Variants in CENPP observed in about 807,000 individuals in gnomAD.
CENPP encodes centromere protein P.
A neutral mutation model predicts 35.6 loss-of-function variants in CENPP; 24 were observed. The ratio of observed to expected loss-of-function variants is 0.67; its 90% CI spans 0.49 to 0.95. The LOEUF is 0.95. Ranked by LOEUF, CENPP falls within the 40% of genes least tolerant of loss-of-function variation. The pLI is 0.00. For synonymous variants in CENPP, 120 were observed against 125.5 expected (o/e 0.96, Z 0.29); for missense variants, 332 against 345.3 (o/e 0.96, Z 0.31).
intron 5 of CENPP, among the ~76,000 whole-genome samples, chr9:92,567,079 A>C (rs1299576461): frequency 1.3e-5 from 2 of 152,180 alleles, no homozygotes; most frequent in Non-Finnish European, 2.9e-5. Context: ...GGGAGAAATT[A>C]AGACATTCTC....
chr9:92,578,325 T>C (rs530513060), intron 5 of CENPP, among the ~76,000 whole-genome samples: 2 of 152,314 alleles, frequency 1.3e-5, no homozygotes, highest in East Asian at 1.9e-4. Context: ...AGTAATGCGA[T>C]GGCTGGGTCT....
chr9:92,504,809 G>C (rs1049963479), intron 5 of CENPP, among the ~76,000 whole-genome samples: 2 of 152,192 alleles, frequency 1.3e-5, no homozygotes, highest in African/African-American at 2.4e-5. Flanking sequence ...AGAGTGCTGG[G>C]ATTACTGGCG....
chr9:92,472,749 T>C (rs964807367), intron 5 of CENPP, among the ~76,000 whole-genome samples: 23 of 152,288 alleles, frequency 1.5e-4, no homozygotes, highest in African/African-American at 5.3e-4. Flanking sequence ...CTTGATGAAT[T>C]AGCAAGGTAG....
chr9:92,408,796 G>A (rs1447109714), intron 5 of CENPP, among the ~76,000 whole-genome samples: 1 of 152,238 alleles, frequency 6.6e-6, no homozygotes, highest in East Asian at 1.9e-4. Flanking sequence ...CCACTGATGG[G>A]TGGGGGTTGG....
At chr9:92,457,873 A>T (rs1333369281) in intron 5 of CENPP, among the ~76,000 whole-genome samples, 2 of 152,210 alleles carry the variant, frequency 1.3e-5, no homozygotes, top group Non-Finnish European at 2.9e-5. Flanking sequence ...ATACATATTT[A>T]TGTGTATATA....
chr9:92,521,428 A>G (rs1164084175), intron 5 of CENPP, among the ~76,000 whole-genome samples: 1 of 152,138 alleles, frequency 6.6e-6, no homozygotes, highest in Non-Finnish European at 1.5e-5. Context: ...ATCATGTTGT[A>G]AGTGTGGCCT....
intron 5 of CENPP, among the ~76,000 whole-genome samples, chr9:92,487,266 T>C (rs1846081873): frequency 6.6e-6 from 1 of 152,158 alleles, no homozygotes; most frequent in African/African-American, 2.4e-5. Context: ...CAGGACTCCT[T>C]GGAGAAATGG....
intron 5 of CENPP, among the ~76,000 whole-genome samples, chr9:92,406,025 CAG>C (rs1843295613): frequency 1.3e-5 from 2 of 152,088 alleles, no homozygotes; most frequent in African/African-American, 4.8e-5. Context: ...CAGAAATATG[CAG>C]AGTTCTGTGA....
intron 5 of CENPP, among the ~76,000 whole-genome samples, chr9:92,435,729 G>T (rs542380155): frequency 5.3e-4 from 81 of 152,344 alleles, no homozygotes; most frequent in South Asian, 8.3e-4. Flanking sequence ...TTGAGGTGCT[G>T]CATGTATCAC....
At chr9:92,558,536 G>GGCA (rs755461256) in intron 5 of CENPP, among the ~76,000 whole-genome samples, 2 of 152,202 alleles carry the variant, frequency 1.3e-5, no homozygotes, top group Non-Finnish European at 2.9e-5. Flanking sequence ...CTATTCTGGT[G>GGCA]GAGGTGGCAG....
rs1841768028 is a variant in CENPP, at chr9:92,362,045, A to G, written c.467+16258A>G. On this transcript the variant is annotated intron_variant, in intron 4 of 7. Transcript: ENST00000375587. ...CCATCATAAAATAAAATAAGATAAG[A>G]TAAGATAAAATAAATTCAAGTATTG... 1.3e-5 allele frequency among the ~76,000 whole-genome samples: 2 copies of G among 152,126 alleles called. 1 individual carries two copies. The highest frequency in any genetic ancestry group is 3.9e-4 in the East Asian group (2 of 5,186).
At chr9:92,465,394 G>C (rs1434240016) in intron 5 of CENPP, among the ~76,000 whole-genome samples, 3 of 152,136 alleles carry the variant, frequency 2.0e-5, no homozygotes, top group Non-Finnish European at 4.4e-5. Context: ...GTTTTTCTGT[G>C]TACATTTTTG....
In CENPP at chr9:92,371,290, C is replaced by T. The variant is rs76200928; in HGVS notation, c.468-8473C>T. ...CTAGCACCATTTTTGCTGTATCTCACTGATTTTGCTATGGTGTGTTTCCAT... is the reference window on the plus strand; with the variant it reads ...CTAGCACCATTTTTGCTGTATCTCATTGATTTTGCTATGGTGTGTTTCCAT... On this transcript the variant is annotated intron_variant, in intron 4 of 7. Coordinates refer to ENST00000375587, the MANE Select transcript of CENPP (RefSeq NM_001012267.3). 8.6e-3 allele frequency among the ~76,000 whole-genome samples: 1,314 copies of T among 152,240 alleles called. 11 individuals are homozygous for T. The highest frequency in any genetic ancestry group is 0.02 in the Middle Eastern group (6 of 294).
At chr9:92,562,149 G>A (rs1360823509) in intron 5 of CENPP, among the ~76,000 whole-genome samples, 5 of 151,786 alleles carry the variant, frequency 3.3e-5, no homozygotes, top group Non-Finnish European at 4.4e-5. Flanking sequence ...TTGCCTCACA[G>A]TGAGGATTGC....
At chr9:92,482,056 GA>G (rs961859046) in intron 5 of CENPP, among the ~76,000 whole-genome samples, 5 of 149,172 alleles carry the variant, frequency 3.4e-5, no homozygotes, top group Admixed American at 1.3e-4. Flanking sequence ...TCACTTAGCT[GA>G]AAAAAAAAGT....
intron 5 of CENPP, chr9:92,456,197 C>G (rs891933427): frequency 1.3e-5 from 2 of 152,110 alleles, no homozygotes; most frequent in African/African-American, 4.8e-5. Context: ...AACATCAAAG[C>G]ACAAATATTT....
intron 5 of CENPP, among the ~76,000 whole-genome samples, chr9:92,533,304 A>AAACAAAC (rs1848928241): frequency 2.4e-4 from 7 of 28,998 alleles, no homozygotes; most frequent in South Asian, 1.3e-3. Flanking sequence ...GGTCTCAAAC[A>AAACAAAC]AAAAAAAAAA....
chr9:92,427,694 G>T (rs932246982), intron 5 of CENPP, among the ~76,000 whole-genome samples: 1 of 151,554 alleles, frequency 6.6e-6, no homozygotes, highest in Non-Finnish European at 1.5e-5. Context: ...TGGTCAGGCA[G>T]GTCTCGAGCT....
intron 5 of CENPP, chr9:92,457,457 G>T: frequency 1.2e-6 from 2 of 1,611,668 alleles, no homozygotes; most frequent in Non-Finnish European, 1.7e-6. Context: ...TCCCACTCTT[G>T]CAATTGAATT....
Sources: gnomAD v4.1 joint callset for allele counts (sites outside exome capture counted in the v4.1 genomes callset) on GRCh38, gnomAD v4.1.1 for gene constraint, MANE v1.5 for transcripts, NCBI Gene and HGNC (gene_info 2026-07-23, HGNC 2026-07-21) for gene names.